Variants in CTU2 observed in about 807,000 individuals in gnomAD.
The protein encoded by CTU2 is cytosolic thiouridylase subunit 2, also known as cytoplasmic tRNA 2-thiolation protein 2.
In CTU2, 80 loss-of-function variants were observed where a neutral mutation model predicts 64.1. The ratio of observed to expected loss-of-function variants is 1.25; its 90% CI spans 1.04 to 1.50. CTU2 has a LOEUF of 1.50. CTU2 is among the 40% of genes most tolerant of loss of function. The pLI is 0.00. For synonymous variants in CTU2, 482 were observed against 285.3 expected (o/e 1.69, Z -6.95); for missense variants, 1,110 against 690.2 (o/e 1.61, Z -6.81).
rs777591780 is a variant in CTU2, at chr16:88,712,310, C to A, written c.380C>A (p.Ser127Ter). The A allele has an allele frequency of 1.2e-6, 2 of 1,609,150 alleles. No homozygotes were observed. The highest frequency in any genetic ancestry group is 1.7e-6 in the Non-Finnish European group (2 of 1,177,796). Reference protein sequence around the residue: ...AACGQSLEERSKTLAEVKPIL... With the variant: ...AACGQSLEER ...TGTGGCCAGAGCCTAGAGGAGAGAT[C>A]AAAGACCCTGGCCGAAGTGAAGCCC... The change falls in exon 6 of 15, where the codon TCA becomes TAA. Residue 127 changes from serine (S) to a stop codon, truncating the protein, a stop_gained. Transcript: ENST00000453996. LOFTEE classifies it high-confidence loss of function.
intron 5 of CTU2, 38 bp from the exon 6 acceptor site, chr16:88,712,236 C>G: frequency 6.5e-7 from 1 of 1,538,600 alleles, no homozygotes; most frequent in Middle Eastern, 1.7e-4. Flanking sequence ...TGCCTGGCTC[C>G]TCTCTGAGCC....
At chr16:88,712,199 A>T in intron 5 of CTU2, 75 bp from the exon 6 acceptor site, 1 of 1,279,664 alleles carries the variant, frequency 7.8e-7, no homozygotes, top group Non-Finnish European at 1.1e-6. Context: ...GGGTTTTCCC[A>T]GGTGGAGGTG....
Position 88,715,230 on chromosome 16 carries a change from C to G in CTU2, c.1527C>G (p.Asp509Glu). ...GGGACTGTCTGATTGAGGACAGTGA[C>G]GACGAGGCGGGCCAGAGCTGAGCGT... ...EIRDCLIEDS[D>E]DEAGQS The change falls in exon 15 of 15, where the codon GAC (aspartate) becomes GAG (glutamate). Residue 509 changes from aspartate (D) to glutamate (E), a missense_variant. Physicochemically the swap from Asp to Glu is conservative, Grantham distance 45. Transcript: ENST00000453996. 1 of 1,612,078 alleles carries G rather than the reference C, an allele frequency of 6.2e-7. No individual in the cohort carries two copies. Among genetic ancestry groups the G allele is most frequent in the Non-Finnish European group, 8.5e-7 (1 of 1,179,852 alleles).
chr16:88,710,522 C>G (rs1911234131), intron 4 of CTU2: 2 of 548,554 alleles, frequency 3.6e-6, no homozygotes, highest in South Asian at 4.6e-5. Context: ...AAATCAGAAG[C>G]TGGGTCCACA....
chr16:88,714,830 G>A, intron 12 of CTU2, 30 bp from the exon 13 acceptor site: 1 of 1,612,324 alleles, frequency 6.2e-7, no homozygotes, highest in Non-Finnish European at 8.5e-7. Context: ...AGGTGCCAAG[G>A]TGGGCACACA....
intron 1 of CTU2, 34 bp downstream of exon 1, chr16:88,706,632 C>T (rs1910858617): frequency 5.9e-6 from 8 of 1,353,768 alleles, no homozygotes; most frequent in East Asian, 3.1e-5. Flanking sequence ...CCAGGCCGCC[C>T]CTCGCCTTCC....
chr16:88,714,998 A>AGG, intron 13 of CTU2, 50 bp from the exon 14 acceptor site: 1 of 1,595,824 alleles, frequency 6.3e-7, no homozygotes, highest in Non-Finnish European at 8.6e-7. Flanking sequence ...GGGTGGCTTG[A>AGG]GGGGGTGCTG....
At chr16:88,712,526 C>G in intron 6 of CTU2, 96 bp from the exon 7 acceptor site, 1 of 1,518,580 alleles carries the variant, frequency 6.6e-7, no homozygotes. Context: ...GTGCCCCAGC[C>G]TCACTGCCGT....
rs866889684 is a variant in CTU2, at chr16:88,709,883, C to T, written c.144-55C>T. On this transcript the variant is annotated intron_variant, in intron 2 of 14. Transcript: ENST00000453996. ...GTCGTCACCTGGCAGCGCCTCAGGACGCTGCTCACTGTGCGGGTAGCAGGC... is the reference window on the plus strand; with the variant it reads ...GTCGTCACCTGGCAGCGCCTCAGGATGCTGCTCACTGTGCGGGTAGCAGGC... 33 of 1,478,436 alleles carry T rather than the reference C, an allele frequency of 2.2e-5. No individual in the cohort carries two copies. In the Middle Eastern group the frequency reaches 1.2e-3, roughly 54 times the overall value. The allele number at this position is 1,478,436 out of a possible 1,614,324, so 91.6% of individuals were successfully genotyped here. A position where few individuals can be genotyped will look rare whatever the true frequency, so the allele number is the denominator to read the frequency against.
intron 4 of CTU2, chr16:88,710,680 GC>G (rs996340325): frequency 1.4e-4 from 29 of 203,566 alleles, no homozygotes; most frequent in South Asian, 1.8e-4. Flanking sequence ...CGTGTGTGCG[GC>G]CCACTTGACT....
At chr16:88,708,675 C>A (rs1169393873) in intron 2 of CTU2, among the ~76,000 whole-genome samples, 1 of 152,122 alleles carries the variant, frequency 6.6e-6, no homozygotes, top group Non-Finnish European at 1.5e-5. Context: ...GGTCATTCGG[C>A]CTCTTGTACG....
chr16:88,709,900 G>T, intron 2 of CTU2, 38 bp from the exon 3 acceptor site: 1 of 1,587,938 alleles, frequency 6.3e-7, no homozygotes, highest in Non-Finnish European at 8.6e-7. Context: ...CACTGTGCGG[G>T]TAGCAGGCGG....
Position 88,713,846 on chromosome 16 carries a change from C to A in CTU2, c.1005+68C>A, listed in dbSNP as rs545171223. The stretch of plus-strand genomic sequence containing the variant: ...GGGGTGGGCCATGTGGGCTGGGCAG[C>A]CTCTCACAGGCTCAGGTCACCAGCA... On this transcript the variant is annotated intron_variant, in intron 9 of 14. Transcript: ENST00000453996. The A allele has an allele frequency of 2.5e-6, 4 of 1,593,402 alleles. No homozygotes were observed. In the South Asian group the frequency reaches 4.5e-5, roughly 18 times the overall value.
chr16:88,713,869 G>T, intron 9 of CTU2, 91 bp downstream of exon 9: 1 of 1,530,480 alleles, frequency 6.5e-7, no homozygotes. Context: ...CAGGTCACCA[G>T]CACACCTTCA....
In CTU2 at chr16:88,712,365, T is replaced by TA; in HGVS notation, c.435_436insA (p.Val146SerfsTer78). Reference sequence around the variant, plus strand: ...TGCAAGCAACTGGGTTCCCATGGCATGTGGTGGCCTTAGAGGAGGTGGGAG... The same window carrying TA: ...TGCAAGCAACTGGGTTCCCATGGCATAGTGGTGGCCTTAGAGGAGGTGGGAG... On this transcript the variant is annotated frameshift_variant, in exon 6 of 15. Coordinates refer to ENST00000453996, the MANE Select transcript of CTU2 (RefSeq NM_001012759.3). LOFTEE classifies it high-confidence loss of function. 6.2e-7 allele frequency: 1 copy of TA among 1,608,886 alleles called. No individual in the cohort carries two copies. The highest frequency in any genetic ancestry group is 8.5e-7 in the Non-Finnish European group (1 of 1,177,504).
intron 2 of CTU2, chr16:88,709,467 C>T (rs533592941): frequency 6.3e-6 from 1 of 158,182 alleles, no homozygotes; most frequent in African/African-American, 2.4e-5. Flanking sequence ...CCGCACTTCA[C>T]CCCAAAGAGG....
Position 88,713,447 on chromosome 16 carries a change from G to T in CTU2, c.873G>T (p.Thr291=), listed in dbSNP as rs769481947. ...GAGGGGCCTTCCTGGCCTGGGATAC[G>T]GTAGGCAGGGGCCTGGGTGTTCAGG... ...LGRGAFLAWD[T]GFSDERHGDV... The change falls in exon 8 of 15, where the codon ACG becomes ACT. Residue 291 remains threonine (T), a splice_region_variant and synonymous_variant. Transcript: ENST00000453996. The T allele has an allele frequency of 6.3e-7, 1 of 1,575,520 alleles. No individual in the cohort carries two copies. The highest frequency in any genetic ancestry group is 1.2e-5 in the South Asian group (1 of 85,696).
Position 88,714,504 on chromosome 16 carries a change from T to TTGGGGTGA in CTU2, c.1201+21_1201+28dup. ...CGCCGCTGGTCTGTGTTTCATGCTCTTGGGGTGATGCGGGGAGGGAGCCAG... is the reference window on the plus strand; with the variant it reads ...CGCCGCTGGTCTGTGTTTCATGCTCTTGGGGTGATGGGGTGATGCGGGGAGGGAGCCAG... On this transcript the variant is annotated intron_variant, in intron 11 of 14. Transcript: ENST00000453996. The TTGGGGTGA allele has an allele frequency of 6.2e-7, 1 of 1,612,574 alleles. No individual in the cohort carries two copies. The highest frequency in any genetic ancestry group is 1.3e-5 in the African/African-American group (1 of 75,042).
chr16:88,715,355 A>ATAAAT lies in CTU2; in HGVS notation c.*105_*109dup. The ATAAAT allele has an allele frequency of 8.0e-7, 1 of 1,248,392 alleles. No individual in the cohort carries two copies. 77.3% of individuals were successfully genotyped at this position (1,248,392 alleles called of 1,614,324 possible). ...GACTGGCCTCTGATTGTCCATTTGT[A>ATAAAT]TAAATAAAACATTTTTTAATTAAAA... On this transcript the variant is annotated 3_prime_UTR_variant, in exon 15 of 15. Transcript: ENST00000453996.
Sources: allele counts gnomAD v4.1 joint callset (sites outside exome capture counted in the v4.1 genomes callset), GRCh38; gene constraint gnomAD v4.1.1; transcripts MANE v1.5; gene names NCBI Gene and HGNC (gene_info 2026-07-23, HGNC 2026-07-21).